Variants in ADGRE2 observed in about 807,000 individuals in gnomAD.
ADGRE2 encodes adhesion G protein-coupled receptor E2.
In ADGRE2, 83 loss-of-function variants were observed where a neutral mutation model predicts 100.8. That is an observed-to-expected ratio of 0.82 (90% CI 0.69 to 0.99). The LOEUF is 0.99. Ranked by LOEUF, ADGRE2 falls within the 50% of genes least tolerant of loss-of-function variation. The pLI, the probability that ADGRE2 is intolerant of heterozygous loss-of-function variation, is 0.00. For synonymous variants in ADGRE2, 355 were observed against 413.0 expected (o/e 0.86, Z 1.70); for missense variants, 814 against 1,035.7 (o/e 0.79, Z 2.94).
Position 14,772,458 on chromosome 19 carries a change from C to T in ADGRE2, c.239G>A (p.Gly80Glu). ...TGTGTTCCAGCAGTCCGAGAATTTT[C>T]CGCATGACACTTTCGACAGTGTTGC... is the stretch of plus-strand genomic sequence containing the variant. ...ECATLSKVSC[G>E]KFSDCWNTEG... is the part of the protein sequence containing the mutation. The change falls in exon 5 of 21, where the codon GGA (glycine) becomes GAA (glutamate). Residue 80 changes from glycine (G) to glutamate (E), a missense_variant. Coordinates refer to ENST00000315576, the MANE Select transcript of ADGRE2 (RefSeq NM_013447.4). 1.2e-6 allele frequency: 2 copies of T among 1,614,046 alleles called. No homozygotes were observed. Among genetic ancestry groups the T allele is most frequent in the South Asian group, 2.2e-5 (2 of 91,062 alleles).
intron 4 of ADGRE2, among the ~76,000 whole-genome samples, chr19:14,773,080 C>CAAAAAAAAAAAAAAAAA (rs35688921): frequency 1.4e-3 from 63 of 45,740 alleles, no homozygotes; most frequent in African/African-American, 2.8e-3. Context: ...GACTCCATCT[C>CAAAAAAAAAAAAAAAAA]AAAAAAAAAA....
At chr19:14,754,490 T>TCTA (rs2147264030) in intron 14 of ADGRE2, among the ~76,000 whole-genome samples, 1 of 149,754 alleles carries the variant, frequency 6.7e-6, no homozygotes, top group South Asian at 2.1e-4. Context: ...TATCTATCTA[T>TCTA]TCCATTAGTT....
At position 14,742,177 on chromosome 19, in the gene ADGRE2, C is replaced by T. The variant is rs548496457; in HGVS notation, c.2463+1243G>A. 2.5e-5 allele frequency: 10 copies of T among 398,148 alleles called. No homozygotes were observed. The South Asian group carries it at 1.3e-3, about 52-fold the overall frequency. The allele number at this position is 398,148 out of a possible 1,614,324, so 24.7% of individuals were successfully genotyped here. The stretch of plus-strand genomic sequence containing the variant: ...AAATGTGAACCCTCTTAGGGCATCA[C>T]CCGCTGATTCCCAGGTTGCCCAGTG... On this transcript the variant is annotated intron_variant, in intron 20 of 20. Coordinates refer to ENST00000315576, the MANE Select transcript of ADGRE2 (RefSeq NM_013447.4).
chr19:14,728,069 C>T (rs535669708), downstream of ADGRE2, among the ~76,000 whole-genome samples: 13 of 152,214 alleles, frequency 8.5e-5, no homozygotes, highest in African/African-American at 1.4e-4. Context: ...GAAAATTAGC[C>T]GGGTGTGGTG....
downstream of ADGRE2, among the ~76,000 whole-genome samples, chr19:14,730,457 T>TC (rs1253080140): frequency 2.6e-3 from 233 of 89,902 alleles, no homozygotes; most frequent in African/African-American, 8.0e-3. Flanking sequence ...CCTCCCTTCC[T>TC]CTCTTTCTTT....
intron 3 of ADGRE2, 67 bp from the exon 4 acceptor site, chr19:14,774,121 G>T: frequency 1.3e-6 from 2 of 1,529,576 alleles, no homozygotes; most frequent in Non-Finnish European, 1.8e-6. Flanking sequence ...GGGCACTGGG[G>T]GAGATGGGGC....
rs2043872292 is a variant in ADGRE2 at position 14,764,423 on chromosome 19, AG to A, written c.1084+9del. 6.2e-7 allele frequency: 1 copy of A among 1,612,686 alleles called. No homozygotes were observed. The highest frequency in any genetic ancestry group is 1.7e-5 in the Admixed American group (1 of 59,948). ...CAGAGCTGGAGTCTGGGGCAGACCC[AG>A]GGACCTACCTGTGCCTGCAGGATAA... On this transcript the variant is annotated intron_variant, in intron 11 of 20. Transcript: ENST00000315576.
Position 14,732,992 on chromosome 19 carries a change from C to T in ADGRE2, c.*3244G>A, listed in dbSNP as rs761651775. 6.6e-6 allele frequency: 1 copy of T among 152,186 alleles called. No individual in the cohort carries two copies. Among genetic ancestry groups the T allele is most frequent in the Non-Finnish European group, 1.5e-5 (1 of 68,044 alleles). The allele number at this position is 152,186 out of a possible 1,614,324, so 9.4% of individuals were successfully genotyped here. A position where few individuals can be genotyped will look rare whatever the true frequency, so the allele number is the denominator to read the frequency against. On this transcript the variant is annotated 3_prime_UTR_variant, in exon 21 of 21. Transcript: ENST00000315576. Reference sequence around the variant, plus strand: ...GGTAGACTCTATGGGGATATGGGCTCTACACTCATAGGGACCCACATGTTC... The same window carrying T: ...GGTAGACTCTATGGGGATATGGGCTTTACACTCATAGGGACCCACATGTTC...
chr19:14,764,396 T>C lies in ADGRE2; in HGVS notation c.1084+37A>G, dbSNP rs191295125. 45 of 1,606,192 alleles carry C rather than the reference T, an allele frequency of 2.8e-5. No individual in the cohort carries two copies. The African/African-American group carries it at 5.1e-4, about 18-fold the overall frequency. ...TGGGAAAGGAAGGAGACAGAAAACA[T>C]GCAGAGCTGGAGTCTGGGGCAGACC... On this transcript the variant is annotated intron_variant, in intron 11 of 20. Coordinates refer to ENST00000315576, the MANE Select transcript of ADGRE2 (RefSeq NM_013447.4).
In ADGRE2 at chr19:14,774,074, G is replaced by A. The variant is rs370697009; in HGVS notation, c.83-20C>T. On this transcript the variant is annotated intron_variant, in intron 3 of 20. Coordinates refer to ENST00000315576, the MANE Select transcript of ADGRE2 (RefSeq NM_013447.4). The stretch of plus-strand genomic sequence containing the variant: ...CACAGCCTGCAAGAGCAGGGAGCAC[G>A]GTCAGAAGGTGAGGGGTAAGGGAAT... 3.0e-5 allele frequency: 48 copies of A among 1,608,208 alleles called. No homozygotes were observed. The African/African-American group carries it at 4.9e-4, about 17-fold the overall frequency.
At chr19:14,729,230 T>C (rs1207401188), downstream of ADGRE2, among the ~76,000 whole-genome samples, 1 of 152,210 alleles carries the variant, frequency 6.6e-6, no homozygotes, top group African/African-American at 2.4e-5. Context: ...TTCTCAACTG[T>C]GACCTTATTG....
intron 5 of ADGRE2, among the ~76,000 whole-genome samples, chr19:14,770,982 G>A (rs559671489): frequency 6.6e-6 from 1 of 152,106 alleles, no homozygotes; most frequent in African/African-American, 2.4e-5. Context: ...GCCTGGCCCG[G>A]AGAGTCCTTT....
chr19:14,772,750 G>A (rs568528157), intron 4 of ADGRE2, among the ~76,000 whole-genome samples: 14 of 149,806 alleles, frequency 9.3e-5, no homozygotes, highest in Middle Eastern at 3.4e-3. Flanking sequence ...GACAGGAAGC[G>A]CCATATCCCC....
chr19:14,762,648 A>T (rs1219023584), intron 11 of ADGRE2, among the ~76,000 whole-genome samples: 2 of 151,342 alleles, frequency 1.3e-5, no homozygotes, highest in African/African-American at 4.9e-5. Flanking sequence ...TTTAATTTTA[A>T]TTTTTTTGTT....
chr19:14,724,387 G>C, the ADGRE2 span, among the ~76,000 whole-genome samples: 1 of 152,168 alleles, frequency 6.6e-6, no homozygotes, highest in African/African-American at 2.4e-5. Flanking sequence ...TGGCAACCTG[G>C]TCCACAGTGG....
At chr19:14,753,402 A>T (rs1024245009) in intron 14 of ADGRE2, among the ~76,000 whole-genome samples, 1 of 152,048 alleles carries the variant, frequency 6.6e-6, no homozygotes, top group Non-Finnish European at 1.5e-5. Flanking sequence ...GATATTGATA[A>T]GATGTTCCTG....
downstream of ADGRE2, among the ~76,000 whole-genome samples, chr19:14,729,528 T>C (rs1182695178): frequency 6.6e-6 from 1 of 152,004 alleles, no homozygotes; most frequent in East Asian, 1.9e-4. Context: ...CTGGCTAATA[T>C]TTTTTGTAGA....
At chr19:14,728,306 C>A (rs909609770), downstream of ADGRE2, among the ~76,000 whole-genome samples, 1 of 152,174 alleles carries the variant, frequency 6.6e-6, no homozygotes, top group Non-Finnish European at 1.5e-5. Flanking sequence ...TTTTTTCTAT[C>A]TACAGGCTGA....
In ADGRE2 at chr19:14,746,926, G is replaced by T. The variant is rs748439255; in HGVS notation, c.2061C>A (p.Gly687=). Residue 687 remains glycine, a synonymous_variant, in exon 17 of 21, where the codon GGC becomes GGA. Coordinates refer to ENST00000315576, the MANE Select transcript of ADGRE2 (RefSeq NM_013447.4). The part of the protein sequence containing the change: ...WLQPEKGFIW[G]FLGPVCAIFS... ...AGATGGCGCAGACAGGTCCAAGGAAGCCCCATATAAATCCCTTTTCTGGTT... is the reference window on the plus strand; with the variant it reads ...AGATGGCGCAGACAGGTCCAAGGAATCCCCATATAAATCCCTTTTCTGGTT... 7 of 1,613,722 alleles carry T rather than the reference G, an allele frequency of 4.3e-6. No homozygotes were observed. The Admixed American group carries it at 1.2e-4, about 27-fold the overall frequency.
Sources: allele counts gnomAD v4.1 joint callset (sites outside exome capture counted in the v4.1 genomes callset), GRCh38; gene constraint gnomAD v4.1.1; transcripts MANE v1.5; gene names NCBI Gene and HGNC (gene_info 2026-07-23, HGNC 2026-07-21).